The following HS6ST3 variants were observed in gnomAD, a reference collection of about 807,000 sequenced individuals.
HS6ST3 encodes heparan-sulfate 6-O-sulfotransferase 3.
Under a neutral mutation model 36.7 loss-of-function variants are expected in HS6ST3, and 12 were observed. That is an observed-to-expected ratio of 0.33 (90% confidence interval 0.21 to 0.53). HS6ST3 has a LOEUF of 0.53. HS6ST3 is among the 20% of genes least tolerant of loss of function. The probability of loss-of-function intolerance (pLI) is 0.95; values close to 1 mark genes in which losing one functional copy is unlikely to be tolerated. For synonymous variants in HS6ST3, 240 were observed against 257.5 expected, an observed-to-expected ratio of 0.93 and a Z score of 0.65; for missense variants, 584 against 640.9, an observed-to-expected ratio of 0.91 and a Z score of 0.96.
At chr13:96,628,299 C>G (rs1326463130) in intron 1 of HS6ST3, among the ~76,000 whole-genome samples, 1 of 151,766 alleles carries the variant, frequency 6.6e-6, no homozygotes, top group African/African-American at 2.4e-5. Flanking sequence ...TTTTTAAATT[C>G]CAAATATATA....
At chr13:96,699,067 A>T (rs1028753493) in intron 1 of HS6ST3, among the ~76,000 whole-genome samples, 2 of 152,200 alleles carry the variant, frequency 1.3e-5, no homozygotes, top group African/African-American at 2.4e-5. Context: ...CTGAAAGTGG[A>T]TCCCTTCCTT....
At chr13:96,783,146 A>G (rs1323272883) in intron 1 of HS6ST3, among the ~76,000 whole-genome samples, 1 of 152,214 alleles carries the variant, frequency 6.6e-6, no homozygotes, top group Non-Finnish European at 1.5e-5. Context: ...ACAAAAATAT[A>G]AAAACAGAAT....
At chr13:96,117,298 T>C (rs2053898270) in intron 1 of HS6ST3, among the ~76,000 whole-genome samples, 1 of 152,158 alleles carries the variant, frequency 6.6e-6, no homozygotes, top group Admixed American at 6.5e-5. Context: ...CATTGTAAGA[T>C]GCCCCCTATG....
intron 1 of HS6ST3, among the ~76,000 whole-genome samples, chr13:96,140,468 A>G (rs1214821135): frequency 6.6e-6 from 1 of 152,142 alleles, no homozygotes; most frequent in Non-Finnish European, 1.5e-5. Flanking sequence ...CAACATTGTA[A>G]ACCTTGACTA....
intron 1 of HS6ST3, among the ~76,000 whole-genome samples, chr13:96,803,063 G>A (rs532054558): frequency 1.7e-3 from 254 of 152,128 alleles, no homozygotes; most frequent in Non-Finnish European, 3.1e-3. Context: ...ACAACCAAAG[G>A]ACTTTCAAAT....
intron 1 of HS6ST3, among the ~76,000 whole-genome samples, chr13:96,379,080 C>G (rs185066017): frequency 5.9e-5 from 9 of 152,292 alleles, no homozygotes; most frequent in African/African-American, 2.2e-4. Flanking sequence ...CATCCTCTTT[C>G]CATTTCTCCA....
rs1238268138 is a variant in HS6ST3 at position 96,318,930 on chromosome 13, G to T, written c.707+227361G>T. ...ATTCACAAAGGAAAATGTTAATTCT[G>T]CCTTAATATCTGTCCTTAGCTTAAA... On this transcript the variant is annotated intron_variant, in intron 1 of 1. Transcript: ENST00000376705. Among the ~76,000 whole-genome samples the T allele has an allele frequency of 2.0e-4, 30 of 152,108 alleles. 1 individual carries two copies. Among genetic ancestry groups the T allele is most frequent in the Admixed American group, 2.0e-3 (30 of 15,274 alleles).
chr13:96,656,998 T>TGTGTGTGTGAGA (rs1397374817), intron 1 of HS6ST3, among the ~76,000 whole-genome samples: 1 of 98,276 alleles, frequency 1.0e-5, no homozygotes, highest in African/African-American at 4.3e-5. Context: ...TGTGTGTGTG[T>TGTGTGTGTGAGA]GAGAGAGAGA....
intron 1 of HS6ST3, among the ~76,000 whole-genome samples, chr13:96,106,811 C>T (rs1188264604): frequency 6.6e-6 from 1 of 152,194 alleles, no homozygotes; most frequent in African/African-American, 2.4e-5. Context: ...GAAGGAATGT[C>T]GGAAATTTGA....
At chr13:96,317,569 A>G (rs2054982222) in intron 1 of HS6ST3, among the ~76,000 whole-genome samples, 2 of 151,392 alleles carry the variant, frequency 1.3e-5, no homozygotes. Context: ...TCCTTTGGGT[A>G]TATACTTAGT....
At chr13:96,238,663 T>C (rs753056613) in intron 1 of HS6ST3, among the ~76,000 whole-genome samples, 11 of 152,230 alleles carry the variant, frequency 7.2e-5, no homozygotes, top group Non-Finnish European at 1.5e-4. Context: ...TTATGCATAT[T>C]TGTGTGTTTA....
intron 1 of HS6ST3, among the ~76,000 whole-genome samples, chr13:96,163,428 A>C (rs2054146424): frequency 6.6e-6 from 1 of 151,490 alleles, no homozygotes; most frequent in Admixed American, 6.6e-5. Context: ...ATGGGGTTTC[A>C]CCGTATTAGC....
intron 1 of HS6ST3, among the ~76,000 whole-genome samples, chr13:96,363,290 A>ATTTT (rs35530266): frequency 2.7e-5 from 4 of 145,782 alleles, no homozygotes; most frequent in African/African-American, 1.0e-4. Context: ...CTTCCTGTAC[A>ATTTT]TTTTTTTTTT....
At chr13:96,659,502 T>C (rs2056638934) in intron 1 of HS6ST3, among the ~76,000 whole-genome samples, 1 of 152,092 alleles carries the variant, frequency 6.6e-6, no homozygotes, top group African/African-American at 2.4e-5. Context: ...ATAAATTACT[T>C]CTTAAATTTA....
At chr13:96,198,988 G>C (rs1217160104) in intron 1 of HS6ST3, among the ~76,000 whole-genome samples, 1 of 152,166 alleles carries the variant, frequency 6.6e-6, no homozygotes, top group Non-Finnish European at 1.5e-5. Context: ...TAGATTTACA[G>C]GTCCACATAC....
intron 1 of HS6ST3, among the ~76,000 whole-genome samples, chr13:96,800,703 A>T (rs192143398): frequency 6.6e-6 from 1 of 151,872 alleles, no homozygotes; most frequent in Non-Finnish European, 1.5e-5. Context: ...GTTATAGTGA[A>T]TAAAGTCCCC....
intron 1 of HS6ST3, among the ~76,000 whole-genome samples, chr13:96,480,917 T>C (rs1327479050): frequency 2.0e-5 from 3 of 152,222 alleles, no homozygotes; most frequent in African/African-American, 7.2e-5. Flanking sequence ...TTGAAAATAG[T>C]GGTGTACTAA....
At chr13:96,518,596 A>G (rs1437297250) in intron 1 of HS6ST3, among the ~76,000 whole-genome samples, 1 of 152,148 alleles carries the variant, frequency 6.6e-6, no homozygotes, top group East Asian at 1.9e-4. Context: ...AACTAGTAAC[A>G]TGGTCATTTC....
intron 1 of HS6ST3, among the ~76,000 whole-genome samples, chr13:96,654,543 C>T (rs2056618220): frequency 6.6e-6 from 1 of 151,922 alleles, no homozygotes; most frequent in Non-Finnish European, 1.5e-5. Context: ...ATTTCTGAGG[C>T]CTCTGTTCTG....
Sources: gnomAD v4.1 joint callset for allele counts (sites outside exome capture counted in the v4.1 genomes callset) on GRCh38, gnomAD v4.1.1 for gene constraint, MANE v1.5 for transcripts, NCBI Gene and HGNC (gene_info 2026-07-23, HGNC 2026-07-21) for gene names.